Variants in MYO16 observed in about 807,000 individuals in gnomAD.
The protein encoded by MYO16 is myosin XVI, also known as unconventional myosin-XVI.
Under a neutral mutation model 205.3 loss-of-function variants are expected in MYO16, and 94 were observed. The ratio of observed to expected loss-of-function variants is 0.46; its 90% confidence interval spans 0.39 to 0.54. The LOEUF is 0.54. MYO16 is among the 20% of genes least tolerant of loss of function. The probability of loss-of-function intolerance (pLI) is 0.00; values close to 1 mark genes in which losing one functional copy is unlikely to be tolerated. For missense variants in MYO16, 2,315 were observed against 2,387.5 expected (o/e 0.97, Z 0.63); for synonymous variants, 988 against 954.0 (o/e 1.04, Z -0.66).
chr13:108,705,024 C>T (rs934763387), intron 2 of MYO16, among the ~76,000 whole-genome samples: 2 of 151,910 alleles, frequency 1.3e-5, no homozygotes, highest in Admixed American at 1.3e-4. Flanking sequence ...ACAATAGTGC[C>T]CCCTTACCCA....
intron 21 of MYO16, among the ~76,000 whole-genome samples, chr13:109,007,118 G>T (rs189178075): frequency 1.4e-4 from 22 of 152,328 alleles, no homozygotes; most frequent in African/African-American, 4.8e-4. Context: ...GCCAGGGGCG[G>T]TGGCTCATGC....
intron 23 of MYO16, among the ~76,000 whole-genome samples, chr13:109,023,246 A>T (rs562564336): frequency 1.4e-4 from 15 of 106,096 alleles, no homozygotes; most frequent in South Asian, 9.2e-4. Context: ...ATATAAATAT[A>T]TATATTTATA....
chr13:108,727,365 A>T (rs1884375304), intron 3 of MYO16, 75 bp from the exon 4 acceptor site: 6 of 1,448,068 alleles, frequency 4.1e-6, no homozygotes, highest in Admixed American at 4.5e-5. Flanking sequence ...GTTTTTTTTT[A>T]AATCTGTGGA....
intron 6 of MYO16, among the ~76,000 whole-genome samples, chr13:108,798,699 T>TTA (rs1240260684): frequency 5.6e-5 from 6 of 106,764 alleles, no homozygotes; most frequent in African/African-American, 2.2e-4. Flanking sequence ...TTTTTTTTTT[T>TTA]TTTTTTTTTT....
At chr13:108,757,006 T>A (rs577345657) in intron 4 of MYO16, among the ~76,000 whole-genome samples, 2 of 152,318 alleles carry the variant, frequency 1.3e-5, no homozygotes, top group Non-Finnish European at 2.9e-5. Context: ...TAAATCACAA[T>A]GAAGATGTTG....
chr13:108,945,655 ATTTAC>A (rs1365295945), intron 16 of MYO16, among the ~76,000 whole-genome samples: 1 of 152,022 alleles, frequency 6.6e-6, no homozygotes, highest in Non-Finnish European at 1.5e-5. Flanking sequence ...ATTTAGTTTT[ATTTAC>A]TTTATGAGTC....
intron 10 of MYO16, among the ~76,000 whole-genome samples, chr13:108,852,903 A>C (rs1210887127): frequency 1.2e-4 from 19 of 152,252 alleles, no homozygotes; most frequent in Non-Finnish European, 2.8e-4. Flanking sequence ...GAACTCACAG[A>C]TTGGAAGATG....
chr13:108,971,374 T>TATATATAC (rs1156819636), intron 20 of MYO16, among the ~76,000 whole-genome samples: 61 of 136,392 alleles, frequency 4.5e-4, no homozygotes, highest in Admixed American at 7.4e-4. Context: ...TATATATATA[T>TATATATAC]ACACATATAA....
At chr13:108,578,222 C>T in the MYO16 span, among the ~76,000 whole-genome samples, 2 of 152,086 alleles carry the variant, frequency 1.3e-5, no homozygotes, top group Non-Finnish European at 2.9e-5. Flanking sequence ...CTGAAATGAC[C>T]TAGTAAAGCT....
chr13:108,908,023 A>T (rs950316182), intron 15 of MYO16, among the ~76,000 whole-genome samples: 1 of 152,246 alleles, frequency 6.6e-6, no homozygotes, highest in African/African-American at 2.4e-5. Context: ...AATATTATTA[A>T]TATTAAACAG....
the MYO16 span, among the ~76,000 whole-genome samples, chr13:108,556,424 A>T: frequency 6.6e-6 from 1 of 152,082 alleles, no homozygotes; most frequent in African/African-American, 2.4e-5. Context: ...GGCCATTTGT[A>T]TGAATTCTTT....
At chr13:108,588,864 T>C in the MYO16 span, among the ~76,000 whole-genome samples, 1 of 152,078 alleles carries the variant, frequency 6.6e-6, no homozygotes. Flanking sequence ...GAGAGATAAA[T>C]ATACTTTCTT....
intron 22 of MYO16, among the ~76,000 whole-genome samples, chr13:109,009,373 A>G (rs1885515708): frequency 1.3e-5 from 2 of 152,314 alleles, no homozygotes; most frequent in South Asian, 2.1e-4. Context: ...AATAATACCT[A>G]AGATTAATCA....
the MYO16 span, among the ~76,000 whole-genome samples, chr13:108,510,477 T>TTTC: frequency 7.5e-6 from 1 of 133,052 alleles, no homozygotes; most frequent in Non-Finnish European, 1.6e-5. Flanking sequence ...TTTTTTTTTT[T>TTTC]TTTTTTTTAT....
At chr13:108,762,501 AT>A (rs910070434) in intron 4 of MYO16, among the ~76,000 whole-genome samples, 9 of 151,230 alleles carry the variant, frequency 6.0e-5, no homozygotes, top group Non-Finnish European at 1.2e-4. Flanking sequence ...CTTCACCAAC[AT>A]TTTTTTTTAA....
intron 23 of MYO16, among the ~76,000 whole-genome samples, chr13:109,044,585 A>T (rs1251409138): frequency 2.6e-5 from 4 of 152,212 alleles, no homozygotes; most frequent in African/African-American, 7.2e-5. Flanking sequence ...AGAAGAAATT[A>T]TCTCAACTTC....
chr13:109,128,155 A>G (rs1306313245), intron 31 of MYO16, among the ~76,000 whole-genome samples: 1 of 152,202 alleles, frequency 6.6e-6, no homozygotes, highest in Non-Finnish European at 1.5e-5. Context: ...AAAATAAAGG[A>G]AGTGCTTCTT....
intron 12 of MYO16, among the ~76,000 whole-genome samples, chr13:108,866,617 G>A (rs1878728830): frequency 6.6e-6 from 1 of 152,102 alleles, no homozygotes; most frequent in Non-Finnish European, 1.5e-5. Context: ...TTAAAGCAAT[G>A]GGAATAAAAA....
intron 32 of MYO16, among the ~76,000 whole-genome samples, chr13:109,153,633 C>A (rs1877810461): frequency 1.3e-5 from 2 of 152,066 alleles, no homozygotes; most frequent in Admixed American, 1.3e-4. Flanking sequence ...GTGGTGTGGG[C>A]CTGTAGTCCC....
Sources: gnomAD v4.1 joint callset for allele counts (sites outside exome capture counted in the v4.1 genomes callset) on GRCh38, gnomAD v4.1.1 for gene constraint, MANE v1.5 for transcripts, NCBI Gene and HGNC (gene_info 2026-07-23, HGNC 2026-07-21) for gene names.